Variants in SHANK1 observed in about 807,000 individuals in gnomAD.
The protein encoded by SHANK1 is SH3 and multiple ankyrin repeat domains 1, also known as SH3 and multiple ankyrin repeat domains protein 1.
In SHANK1, 35 loss-of-function variants were observed where a neutral mutation model predicts 165.6. The observed-to-expected ratio is 0.21, with a 90% CI of 0.16 to 0.28. The LOEUF is 0.28. SHANK1 is among the 10% of genes least tolerant of loss of function. SHANK1 has a pLI of 1.00. For synonymous variants in SHANK1, 1,428 were observed against 1,384.8 expected, an observed-to-expected ratio of 1.03 and a Z score of -0.69; for missense variants, 2,681 against 3,036.4, an observed-to-expected ratio of 0.88 and a Z score of 2.75.
Position 50,697,608 on chromosome 19 carries a change from C to G in SHANK1, c.1918G>C (p.Asp640His). 2 of 1,613,964 alleles carry G rather than the reference C, an allele frequency of 1.2e-6. No homozygotes were observed. The highest frequency in any genetic ancestry group is 1.7e-6 in the Non-Finnish European group (2 of 1,179,910). Reference protein sequence around the residue: ...LFRHYTVGSYDSFDAPSLMDG... With the variant: ...LFRHYTVGSYHSFDAPSLMDG... ...ATTTACCTTGGGGCATCAAAGCTGT[C>G]GTAGGAGCCCACGGTATAATGCCGG... The change falls in exon 14 of 24, where the codon GAC becomes CAC. Residue 640 changes from aspartate (D) to histidine (H), a missense_variant. Physicochemically the swap from Asp to His is moderately conservative, Grantham distance 81. This residue lies in a region of SHANK1 where 147 missense variants were observed against 256.5 expected (regional missense o/e 0.57). Transcript: ENST00000293441. The surrounding 1 kb of genome is among the most constrained non-coding windows in gnomAD (Gnocchi z 4.7).
At chr19:50,695,270 G>A (rs988615359) in intron 15 of SHANK1, among the ~76,000 whole-genome samples, 3 of 145,998 alleles carry the variant, frequency 2.1e-5, no homozygotes, top group Non-Finnish European at 4.6e-5. Context: ...GGGGCGCGGG[G>A]CGCGGGGTCG....
intron 12 of SHANK1, among the ~76,000 whole-genome samples, chr19:50,698,230 G>C (rs1259716064): frequency 6.6e-6 from 1 of 152,110 alleles, no homozygotes; most frequent in African/African-American, 2.4e-5. Flanking sequence ...TCCACAATTG[G>C]TCCTTGTCTC....
intron 7 of SHANK1, 123 bp downstream of exon 7, chr19:50,711,824 C>CCACCAAAGAG: frequency 1.8e-6 from 2 of 1,117,402 alleles, no homozygotes; most frequent in South Asian, 2.8e-5. Context: ...TCTTTGGGGA[C>CCACCAAAGAG]CATGTTATTC....
At chr19:50,699,204 G>A (rs911275304) in intron 12 of SHANK1, among the ~76,000 whole-genome samples, 1 of 152,228 alleles carries the variant, frequency 6.6e-6, no homozygotes, top group African/African-American at 2.4e-5. Flanking sequence ...GTACTGCCAT[G>A]CCTGGCTTGG....
At position 50,686,968 on chromosome 19, in the gene SHANK1, G is replaced by A; in HGVS notation, c.2390-156C>T. 7.2e-7 allele frequency: 1 copy of A among 1,384,530 alleles called. No homozygotes were observed. Among genetic ancestry groups the A allele is most frequent in the African/African-American group, 1.5e-5 (1 of 65,532 alleles). 85.8% of individuals were successfully genotyped at this position (1,384,530 alleles called of 1,614,324 possible). A position where few individuals can be genotyped will look rare whatever the true frequency, so the allele number is the denominator to read the frequency against. ...GGGGTCAGGGAGGGGCGAGTCCGCC[G>A]GCGGGGTCGGGAGACGGGGGCCCTC... On this transcript the variant is annotated intron_variant, in intron 19 of 23. Transcript: ENST00000293441. This position sits in a 1 kb window ranked among gnomAD's most constrained non-coding sequence, Gnocchi z 5.7.
intron 15 of SHANK1, among the ~76,000 whole-genome samples, chr19:50,693,293 A>C (rs1214807298): frequency 1.2e-5 from 1 of 81,772 alleles, no homozygotes. Flanking sequence ...TCCAGCCGCC[A>C]CCCCTCCCCC....
chr19:50,700,213 T>C (rs1329467653), intron 12 of SHANK1, among the ~76,000 whole-genome samples: 6 of 142,114 alleles, frequency 4.2e-5, no homozygotes, highest in Admixed American at 2.8e-4. Flanking sequence ...CTCGGGGCAT[T>C]GGAGGATTAG....
intron 12 of SHANK1, among the ~76,000 whole-genome samples, chr19:50,699,706 A>AT (rs1419762002): frequency 8.0e-6 from 1 of 125,060 alleles, no homozygotes; most frequent in East Asian, 2.6e-4. Flanking sequence ...CATTGGAGGA[A>AT]TGGAGGGGTT....
At position 50,667,432 on chromosome 19, in the gene SHANK1, G is replaced by A. The variant is rs760556266; in HGVS notation, c.4528C>T (p.Pro1510Ser). 1.8e-5 allele frequency: 28 copies of A among 1,523,462 alleles called. No homozygotes were observed. The highest frequency in any genetic ancestry group is 1.7e-4 in the Middle Eastern group (1 of 5,752). The allele number at this position is 1,523,462 out of a possible 1,614,324, so 94.4% of individuals were successfully genotyped here. A position where few individuals can be genotyped will look rare whatever the true frequency, so the allele number is the denominator to read the frequency against. The change falls in exon 23 of 24, where the codon CCC becomes TCC. Residue 1510 changes from proline (P) to serine (S), a missense_variant. Pro to Ser is a moderately conservative substitution (Grantham distance 74). Transcript: ENST00000293441. The surrounding 1 kb of genome is among the most constrained non-coding windows in gnomAD (Gnocchi z 5.7). ...ACCCCCGGCCCGTCCTCCGAGGGGG[G>A]ACCCCTTCCGCTCGTCACAGGGGCC... The part of the protein sequence containing the change: ...PRAPVTSGRG[P>S]PSEDGPGVPP...
rs1463657785 is a variant in SHANK1 at position 50,690,002 on chromosome 19, C to A, written c.1965-723G>T. Among the ~76,000 whole-genome samples, 1 of 152,138 alleles carries A rather than the reference C, an allele frequency of 6.6e-6. No homozygotes were observed. The highest frequency in any genetic ancestry group is 2.1e-4 in the South Asian group (1 of 4,830). ...CAAAATCAAATGGAAAAATTCAATT[C>A]CTCAGTCACAGTGGCCATATTTCCA... On this transcript the variant is annotated intron_variant, in intron 15 of 23. Coordinates refer to ENST00000293441, the MANE Select transcript of SHANK1 (RefSeq NM_016148.5). The surrounding 1 kb of genome is among the most constrained non-coding windows in gnomAD (Gnocchi z 4.9).
chr19:50,676,079 CT>C (rs1336887358), intron 21 of SHANK1, among the ~76,000 whole-genome samples: 2 of 151,962 alleles, frequency 1.3e-5, no homozygotes, highest in Non-Finnish European at 2.9e-5. Context: ...GGGAGGATTG[CT>C]TGATGCCAGG....
intron 16 of SHANK1, 90 bp downstream of exon 16, chr19:50,689,106 TG>T (rs1180947103): frequency 3.3e-6 from 4 of 1,204,596 alleles, no homozygotes; most frequent in Non-Finnish European, 1.2e-6. Context: ...GTGGGCGGGC[TG>T]GGGTCCCTTC....
Position 50,661,769 on chromosome 19 carries a change from T to A in SHANK1, c.*196A>T. ...CACACACACACACTCTTGTGTCAGC[T>A]GCCCCCCTTCAGTGAGGTGCAAATG... On this transcript the variant is annotated 3_prime_UTR_variant, in exon 24 of 24. Transcript: ENST00000293441. The A allele has an allele frequency of 1.7e-6, 1 of 594,242 alleles. No individual in the cohort carries two copies. The highest frequency in any genetic ancestry group is 3.0e-6 in the Non-Finnish European group (1 of 335,908). 36.8% of individuals were successfully genotyped at this position (594,242 alleles called of 1,614,324 possible). A position where few individuals can be genotyped will look rare whatever the true frequency, so the allele number is the denominator to read the frequency against.
At chr19:50,681,692 G>A (rs1409959966) in intron 21 of SHANK1, among the ~76,000 whole-genome samples, 1 of 152,164 alleles carries the variant, frequency 6.6e-6, no homozygotes, top group Non-Finnish European at 1.5e-5. Context: ...GGGGTCTCTG[G>A]TGTTGCGGGG....
intron 15 of SHANK1, 161 bp from the exon 16 acceptor site, chr19:50,689,440 T>G: frequency 1.4e-6 from 1 of 714,912 alleles, no homozygotes. Context: ...TGTGTGTGTA[T>G]GCTAGCCCTG....
At chr19:50,666,145 C>A in intron 23 of SHANK1, 47 bp downstream of exon 23, 1 of 1,494,456 alleles carries the variant, frequency 6.7e-7, no homozygotes. Flanking sequence ...CACAGCCATG[C>A]CATCAACACC....
chr19:50,718,670 T>TG lies in SHANK1; in HGVS notation c.-44+735dup, dbSNP rs2089096521. The stretch of plus-strand genomic sequence containing the variant: ...AGAGAGGGGGTGCCCTGGGAGGCTG[T>TG]GGGGGGACAGGGGGCGGCTGGCGTG... On this transcript the variant is annotated intron_variant, in intron 1 of 23. Transcript: ENST00000293441. This position sits in a 1 kb window ranked among gnomAD's most constrained non-coding sequence, Gnocchi z 5.1. 1.3e-5 allele frequency among the ~76,000 whole-genome samples: 1 copy of TG among 77,490 alleles called. No individual in the cohort carries two copies. Among genetic ancestry groups the TG allele is most frequent in the Non-Finnish European group, 2.9e-5 (1 of 34,962 alleles). The allele number at this position is 77,490 out of a possible 152,430, so 50.8% of individuals were successfully genotyped here.
At chr19:50,703,118 C>A (rs562042570) in intron 11 of SHANK1, among the ~76,000 whole-genome samples, 2 of 152,104 alleles carry the variant, frequency 1.3e-5, no homozygotes, top group East Asian at 3.9e-4. Flanking sequence ...GGAATGTCCC[C>A]CGCCCCTTCC....
intron 15 of SHANK1, among the ~76,000 whole-genome samples, chr19:50,692,080 A>G (rs1986554142): frequency 6.6e-6 from 1 of 152,060 alleles, no homozygotes; most frequent in Admixed American, 6.5e-5. Context: ...ACAATACCCA[A>G]GAGAATACTC....
Sources: gnomAD v4.1 joint callset for allele counts (sites outside exome capture counted in the v4.1 genomes callset) on GRCh38, gnomAD v4.1.1 for gene constraint, gnomAD v4.1.1 regional missense constraint, Gnocchi (gnomAD v3.1) non-coding constraint, MANE v1.5 for transcripts, NCBI Gene and HGNC (gene_info 2026-07-23, HGNC 2026-07-21) for gene names.